The following SLC2A12 variants were observed in gnomAD, a reference collection of about 807,000 sequenced individuals.
SLC2A12 encodes the protein solute carrier family 2 member 12.
A neutral mutation model predicts 41.8 loss-of-function variants in SLC2A12; 23 were observed. The observed-to-expected ratio is 0.55, with a 90% CI of 0.40 to 0.78. The LOEUF (loss-of-function observed/expected upper bound fraction) is 0.78, where lower values mean the gene tolerates loss of function less well. Ranked by LOEUF, SLC2A12 falls within the 30% of genes least tolerant of loss-of-function variation. SLC2A12 has a pLI of 0.00. For synonymous variants in SLC2A12, 295 were observed against 285.9 expected, an observed-to-expected ratio of 1.03 and a Z score of -0.32; for missense variants, 654 against 745.6, an observed-to-expected ratio of 0.88 and a Z score of 1.43.
intron 1 of SLC2A12, among the ~76,000 whole-genome samples, chr6:134,032,720 G>T (rs1777236652): frequency 7.6e-6 from 1 of 131,504 alleles, no homozygotes; most frequent in African/African-American, 2.7e-5. Context: ...ACTGTATAAG[G>T]CTAGTCCTTA....
At chr6:134,022,531 CAAAAAAGAAAAGAAAA>C (rs1562197570) in intron 2 of SLC2A12, among the ~76,000 whole-genome samples, 2 of 116,596 alleles carry the variant, frequency 1.7e-5, no homozygotes, top group Non-Finnish European at 3.6e-5. Context: ...AACTCCATCT[CAAAAAAGAAAAGAAAA>C]GAAAAGAAAA....
intron 2 of SLC2A12, 70 bp from the exon 3 acceptor site, chr6:134,007,004 A>G: frequency 6.3e-7 from 1 of 1,596,292 alleles, no homozygotes; most frequent in Non-Finnish European, 8.5e-7. Flanking sequence ...GAGTGCCAGC[A>G]CCCTGATCTC....
intron 2 of SLC2A12, 35 bp downstream of exon 2, chr6:134,028,346 G>A: frequency 6.4e-7 from 1 of 1,559,026 alleles, no homozygotes; most frequent in Non-Finnish European, 8.7e-7. Flanking sequence ...GCTCTGACTG[G>A]TCAAAAGCAA....
intron 1 of SLC2A12, among the ~76,000 whole-genome samples, chr6:134,032,445 TATAA>T (rs1371028834): frequency 9.0e-4 from 31 of 34,456 alleles, no homozygotes; most frequent in African/African-American, 3.7e-3. Context: ...TATATATATA[TATAA>T]ATATATATAT....
chr6:134,028,951 T>C lies in SLC2A12; in HGVS notation c.874A>G (p.Thr292Ala). Residue 292 changes from threonine to alanine, a missense_variant, in exon 2 of 5, where the codon ACT (threonine) becomes GCT (alanine). Transcript: ENST00000275230. ...TAGAACAATATGTTTGGTTGGCCAG[T>C]GATTTGTACAAAAAATACTAGTGTT... ...GLTLVFFVQI[T>A]GQPNILFYAS... The C allele has an allele frequency of 6.2e-7, 1 of 1,614,246 alleles. No homozygotes were observed. The highest frequency in any genetic ancestry group is 2.2e-5 in the East Asian group (1 of 44,884).
rs141786070 is a variant in SLC2A12 at position 134,041,309 on chromosome 6, G to A, written c.103+11069C>T. On this transcript the variant is annotated intron_variant, in intron 1 of 4. Coordinates refer to ENST00000275230, the MANE Select transcript of SLC2A12 (RefSeq NM_145176.3). ...AGTTGTTGAAATCATGGAAATTGGA[G>A]TCCCTGAAGAGATACAGAAAGAGAA... Among the ~76,000 whole-genome samples, 190 of 152,184 alleles carry A rather than the reference G, an allele frequency of 1.2e-3. 2 individuals are homozygous for A. The South Asian group carries it at 0.014, about 11-fold the overall frequency.
intron 4 of SLC2A12, among the ~76,000 whole-genome samples, chr6:133,993,502 A>G (rs1272943243): frequency 1.3e-5 from 2 of 152,106 alleles, no homozygotes; most frequent in South Asian, 2.1e-4. Context: ...ATGTTTTTTC[A>G]TCTATTCAAT....
At chr6:134,018,578 C>A (rs1390463352) in intron 2 of SLC2A12, among the ~76,000 whole-genome samples, 1 of 152,174 alleles carries the variant, frequency 6.6e-6, no homozygotes, top group Non-Finnish European at 1.5e-5. Context: ...CTTCTTCATA[C>A]AAACGTTGGC....
rs2114523967 is a variant in SLC2A12, at chr6:134,052,405, C to T, written c.76G>A (p.Gly26Ser). The T allele has an allele frequency of 1.2e-6, 2 of 1,613,196 alleles. No individual in the cohort carries two copies. Among genetic ancestry groups the T allele is most frequent in the Non-Finnish European group, 8.5e-7 (1 of 1,180,022 alleles). Reference sequence around the variant, plus strand: ...CTCGCCCAGGGAGGATGCCGGCTGCCGCTGCCCTCCGTCTCCACGGCTGTC... The same window carrying T: ...CTCGCCCAGGGAGGATGCCGGCTGCTGCTGCCCTCCGTCTCCACGGCTGTC... The part of the protein sequence containing the change: ...KGTAVETEGS[G>S]SRHPPWARGC... Residue 26 changes from glycine to serine, a missense_variant, in exon 1 of 5, where the codon GGC becomes AGC. By Grantham distance (56) the Gly-to-Ser change is moderately conservative (BLOSUM62 0). Coordinates refer to ENST00000275230, the MANE Select transcript of SLC2A12 (RefSeq NM_145176.3).
chr6:134,002,870 C>A (rs1448738348), intron 3 of SLC2A12, among the ~76,000 whole-genome samples: 1 of 152,170 alleles, frequency 6.6e-6, no homozygotes, highest in Non-Finnish European at 1.5e-5. Flanking sequence ...TTTCCTCTGA[C>A]CGCTTCCAGC....
At chr6:134,024,591 C>T (rs1442850588) in intron 2 of SLC2A12, among the ~76,000 whole-genome samples, 1 of 152,242 alleles carries the variant, frequency 6.6e-6, no homozygotes, top group African/African-American at 2.4e-5. Flanking sequence ...CCAGGCCCTA[C>T]TATACCCAAT....
At chr6:134,001,908 T>C (rs934836274) in intron 4 of SLC2A12, 89 bp downstream of exon 4, 3 of 1,350,422 alleles carry the variant, frequency 2.2e-6, no homozygotes, top group African/African-American at 1.5e-5. Flanking sequence ...TAATATCTAA[T>C]AATTTCAGAT....
intron 1 of SLC2A12, among the ~76,000 whole-genome samples, chr6:134,051,396 C>G (rs2114522106): frequency 6.6e-6 from 1 of 152,306 alleles, no homozygotes; most frequent in Admixed American, 6.5e-5. Flanking sequence ...GGACCATTCC[C>G]AAGAGAAAGG....
intron 4 of SLC2A12, among the ~76,000 whole-genome samples, chr6:133,997,878 A>G (rs922540034): frequency 6.6e-6 from 1 of 152,216 alleles, no homozygotes; most frequent in Non-Finnish European, 1.5e-5. Context: ...GTTTATAGCT[A>G]GTAGGGATTA....
At chr6:134,013,260 C>T (rs968166901) in intron 2 of SLC2A12, among the ~76,000 whole-genome samples, 13 of 151,920 alleles carry the variant, frequency 8.6e-5, no homozygotes, top group South Asian at 2.1e-4. Context: ...GCACTCCAGC[C>T]TGGGTGACAA....
intron 2 of SLC2A12, among the ~76,000 whole-genome samples, 157 bp from the exon 3 acceptor site, chr6:134,007,091 A>C (rs1364437854): frequency 6.6e-6 from 1 of 152,206 alleles, no homozygotes. Context: ...CAGTAAAGGG[A>C]CGTGCTGCCT....
In SLC2A12 at chr6:134,052,500, C is replaced by T. The variant is rs1465856507; in HGVS notation, c.-20G>A. The T allele has an allele frequency of 6.2e-7, 1 of 1,602,014 alleles. No homozygotes were observed. Reference sequence around the variant, plus strand: ...TACCATGGTCACGTAGAAGTTACAGCCGCTTCCCCGCCACCAAACCGCCCC... The same window carrying T: ...TACCATGGTCACGTAGAAGTTACAGTCGCTTCCCCGCCACCAAACCGCCCC... On this transcript the variant is annotated 5_prime_UTR_variant, in exon 1 of 5. Transcript: ENST00000275230.
In SLC2A12 at chr6:134,028,740, C is replaced by G; in HGVS notation, c.1085G>C (p.Gly362Ala). 3 of 1,614,102 alleles carry G rather than the reference C, an allele frequency of 1.9e-6. No homozygotes were observed. Among genetic ancestry groups the G allele is most frequent in the Non-Finnish European group, 1.7e-6 (2 of 1,180,018 alleles). The change falls in exon 2 of 5, where the codon GGC becomes GCC. Residue 362 changes from glycine (G) to alanine (A), a missense_variant. Gly to Ala is a moderately conservative substitution (Grantham distance 60). Transcript: ENST00000275230. ...CATGTGGATGTTGAGATTTACGATG[C>G]CCATGGTCACCAACGAAGCTGCCAT... ...SVMAASLVTM[G>A]IVNLNIHMNF...
chr6:134,002,067 A>G lies in SLC2A12; in HGVS notation c.1630T>C (p.Phe544Leu). 1 of 1,604,820 alleles carries G rather than the reference A, an allele frequency of 6.2e-7. No homozygotes were observed. The highest frequency in any genetic ancestry group is 8.5e-7 in the Non-Finnish European group (1 of 1,177,594). The change falls in exon 4 of 5, where the codon TTT becomes CTT. Residue 544 changes from phenylalanine to leucine, a missense_variant. Phe to Leu is a conservative substitution (Grantham distance 22). Transcript: ENST00000275230. ...GTCTCAGGTATAAACATAACAACAAAAAGCAGGGATGCTAGACTCATGATT... is the reference window on the plus strand; with the variant it reads ...GTCTCAGGTATAAACATAACAACAAGAAGCAGGGATGCTAGACTCATGATT... Reference protein sequence around the residue: ...YTIMSLASLLFVVMFIPETKG... With the variant: ...YTIMSLASLLLVVMFIPETKG...
Sources: gnomAD v4.1 joint callset for allele counts (sites outside exome capture counted in the v4.1 genomes callset) on GRCh38, gnomAD v4.1.1 for gene constraint, MANE v1.5 for transcripts, NCBI Gene and HGNC (gene_info 2026-07-23, HGNC 2026-07-21) for gene names.